The following LRRTM4 variants were observed in gnomAD, a reference collection of about 807,000 sequenced individuals.
LRRTM4 encodes leucine rich repeat transmembrane neuronal 4, also known as leucine-rich repeat transmembrane neuronal protein 4.
A neutral mutation model predicts 47.6 loss-of-function variants in LRRTM4; 25 were observed. That is an observed-to-expected ratio of 0.53 (90% CI 0.38 to 0.73). The LOEUF (loss-of-function observed/expected upper bound fraction) is 0.73. LRRTM4 is among the 30% of genes least tolerant of loss of function. LRRTM4 has a pLI of 0.00. For missense variants in LRRTM4, 638 were observed against 713.4 expected (o/e 0.89, Z 1.20); for synonymous variants, 311 against 269.5 (o/e 1.15, Z -1.51).
chr2:77,017,375 G>C (rs1462915828), intron 3 of LRRTM4, among the ~76,000 whole-genome samples: 1 of 152,126 alleles, frequency 6.6e-6, no homozygotes, highest in Non-Finnish European at 1.5e-5. Flanking sequence ...TAGAACAAAT[G>C]CCATCCTTAT....
chr2:76,776,324 A>C (rs1673992032), intron 3 of LRRTM4, among the ~76,000 whole-genome samples: 1 of 152,176 alleles, frequency 6.6e-6, no homozygotes, highest in South Asian at 2.1e-4. Flanking sequence ...ATCCCTGAGG[A>C]ATCGCCACAC....
intron 3 of LRRTM4, among the ~76,000 whole-genome samples, chr2:76,870,600 G>A (rs1238150873): frequency 1.3e-5 from 2 of 152,100 alleles, no homozygotes; most frequent in African/African-American, 2.4e-5. Context: ...ACACAGAGCA[G>A]CAGGCCTATA....
chr2:77,389,495 T>C (rs1386491715), intron 3 of LRRTM4, among the ~76,000 whole-genome samples: 1 of 152,150 alleles, frequency 6.6e-6, no homozygotes, highest in Non-Finnish European at 1.5e-5. Flanking sequence ...CAGGTGATTA[T>C]TTACTAATAA....
intron 3 of LRRTM4, among the ~76,000 whole-genome samples, chr2:77,478,177 C>T (rs995038662): frequency 1.3e-5 from 2 of 152,042 alleles, no homozygotes; most frequent in African/African-American, 4.8e-5. Context: ...CTATTAAATC[C>T]CACAGATTAA....
chr2:77,370,062 G>A (rs2103766692), intron 3 of LRRTM4, among the ~76,000 whole-genome samples: 1 of 151,870 alleles, frequency 6.6e-6, no homozygotes, highest in Non-Finnish European at 1.5e-5. Context: ...ATGTAGGCCA[G>A]TGTGCATAAT....
intron 3 of LRRTM4, among the ~76,000 whole-genome samples, chr2:76,875,178 A>G (rs1255827016): frequency 6.6e-6 from 1 of 152,158 alleles, no homozygotes; most frequent in African/African-American, 2.4e-5. Flanking sequence ...TTACTTTTCA[A>G]TAATGCACAT....
intron 3 of LRRTM4, among the ~76,000 whole-genome samples, chr2:77,028,330 G>A (rs1678525654): frequency 1.3e-5 from 2 of 152,162 alleles, no homozygotes; most frequent in Non-Finnish European, 2.9e-5. Context: ...GAAATCAAGT[G>A]TCAGAAACCA....
rs117785714 is a variant in LRRTM4 at position 77,182,443 on chromosome 2, G to A, written c.1551+335875C>T. On this transcript the variant is annotated intron_variant, in intron 3 of 3. Transcript: ENST00000409884. ...CTGTTGGAAGTTGGGGGTGAGGGGA[G>A]AGAATCTAGATGATGGATCAATAGG... Among the ~76,000 whole-genome samples the A allele has an allele frequency of 1.1e-4, 17 of 152,150 alleles. No homozygotes were observed. In the East Asian group the frequency reaches 2.3e-3, roughly 21 times the overall value.
chr2:77,425,587 T>C (rs1435864470), intron 3 of LRRTM4, among the ~76,000 whole-genome samples: 1 of 152,200 alleles, frequency 6.6e-6, no homozygotes, highest in African/African-American at 2.4e-5. Context: ...CATTCTATAA[T>C]ATTTCCCTAG....
intron 3 of LRRTM4, among the ~76,000 whole-genome samples, chr2:77,352,106 C>T (rs1344449877): frequency 6.6e-6 from 1 of 152,116 alleles, no homozygotes; most frequent in African/African-American, 2.4e-5. Flanking sequence ...AGGGAAGATT[C>T]TATTATTATA....
chr2:76,784,998 AAATTTCATATGG>A (rs1674596988), intron 3 of LRRTM4, among the ~76,000 whole-genome samples: 1 of 152,022 alleles, frequency 6.6e-6, no homozygotes, highest in South Asian at 2.1e-4. Context: ...CATTTTATCC[AAATTTCATATGG>A]AAAACTTTCT....
chr2:76,968,555 G>GTTCTCAA (rs1299585508), intron 3 of LRRTM4, among the ~76,000 whole-genome samples: 2 of 150,754 alleles, frequency 1.3e-5, no homozygotes, highest in Non-Finnish European at 3.0e-5. Flanking sequence ...TAGGCTAGTC[G>GTTCTCAA]TTCTCAATAA....
At chr2:77,388,406 A>T (rs932376964) in intron 3 of LRRTM4, among the ~76,000 whole-genome samples, 3 of 152,170 alleles carry the variant, frequency 2.0e-5, no homozygotes, top group Non-Finnish European at 4.4e-5. Flanking sequence ...GTCTGCACTC[A>T]TAGTTACATT....
At chr2:77,061,422 T>C (rs1243872559) in intron 3 of LRRTM4, among the ~76,000 whole-genome samples, 7 of 151,890 alleles carry the variant, frequency 4.6e-5, no homozygotes, top group Non-Finnish European at 8.8e-5. Flanking sequence ...ACCTGCAGAG[T>C]TGCTGAGAGT....
chr2:76,997,302 T>C (rs537595942), intron 3 of LRRTM4, among the ~76,000 whole-genome samples: 18 of 152,200 alleles, frequency 1.2e-4, no homozygotes, highest in African/African-American at 4.1e-4. Flanking sequence ...GTAGAGCTCA[T>C]TGATTGTAAA....
intron 3 of LRRTM4, among the ~76,000 whole-genome samples, chr2:77,371,152 A>C (rs1672642680): frequency 6.6e-6 from 1 of 151,758 alleles, no homozygotes; most frequent in African/African-American, 2.4e-5. Flanking sequence ...AAGATGTGAG[A>C]CAGACAGGTG....
intron 3 of LRRTM4, among the ~76,000 whole-genome samples, chr2:77,406,590 C>G (rs976758559): frequency 2.6e-5 from 4 of 151,934 alleles, no homozygotes; most frequent in East Asian, 3.9e-4. Flanking sequence ...TGTGAGCCAC[C>G]GCACCCAGTC....
At chr2:77,203,495 T>G (rs1674036629) in intron 3 of LRRTM4, among the ~76,000 whole-genome samples, 1 of 152,106 alleles carries the variant, frequency 6.6e-6, no homozygotes, top group Non-Finnish European at 1.5e-5. Flanking sequence ...TGTTGGAATT[T>G]GGCAGTAGGG....
intron 3 of LRRTM4, among the ~76,000 whole-genome samples, chr2:77,174,235 T>C (rs1673131593): frequency 6.6e-6 from 1 of 152,132 alleles, no homozygotes; most frequent in African/African-American, 2.4e-5. Flanking sequence ...CCTTGATTTG[T>C]TTCCCTCCTA....
Sources: gnomAD v4.1 joint callset for allele counts (sites outside exome capture counted in the v4.1 genomes callset) on GRCh38, gnomAD v4.1.1 for gene constraint, MANE v1.5 for transcripts, NCBI Gene and HGNC (gene_info 2026-07-23, HGNC 2026-07-21) for gene names.